Variants in SAMD8 observed in about 807,000 individuals in gnomAD.
SAMD8 encodes sterile alpha motif domain containing 8.
In SAMD8, 20 loss-of-function variants were observed where a neutral mutation model predicts 42.0. That is an observed-to-expected ratio of 0.48 (90% CI 0.34 to 0.69). The LOEUF is 0.69. Ranked by LOEUF, SAMD8 falls within the 30% of genes least tolerant of loss-of-function variation. SAMD8 has a pLI of 0.01. For missense variants in SAMD8, 328 were observed against 511.6 expected, an observed-to-expected ratio of 0.64 and a Z score of 3.46; for synonymous variants, 162 against 173.0, an observed-to-expected ratio of 0.94 and a Z score of 0.50.
intron 1 of SAMD8, among the ~76,000 whole-genome samples, chr10:75,114,737 T>A (rs1848839555): frequency 6.6e-6 from 1 of 152,212 alleles, no homozygotes; most frequent in Admixed American, 6.5e-5. Flanking sequence ...TGGGTGTACC[T>A]AGCATGCCCG....
intron 2 of SAMD8, among the ~76,000 whole-genome samples, chr10:75,158,341 C>T (rs570869809): frequency 6.6e-6 from 1 of 152,110 alleles, no homozygotes; most frequent in Non-Finnish European, 1.5e-5. Context: ...CCCGTAATCC[C>T]AGCACTTTGG....
chr10:75,150,428 C>G, intron 1 of SAMD8, 86 bp from the exon 2 acceptor site: 60 of 1,487,526 alleles, frequency 4.0e-5, no homozygotes, highest in Non-Finnish European at 5.3e-5. Context: ...TGGCCTGTTT[C>G]TGGTGTATTT....
rs959515948 is a variant in SAMD8, at chr10:75,181,620, T to A, written c.*4928T>A. 2 of 152,194 alleles carry A rather than the reference T, an allele frequency of 1.3e-5. No homozygotes were observed. Among genetic ancestry groups the A allele is most frequent in the African/African-American group, 4.8e-5 (2 of 41,438 alleles). 9.4% of individuals were successfully genotyped at this position (152,194 alleles called of 1,614,324 possible). A position where few individuals can be genotyped will look rare whatever the true frequency, so the allele number is the denominator to read the frequency against. ...ATTCCATGTTTCAGCATAAGGAAAGTTTGTGCCTGATATGGCAGGAGAAAG... is the reference window on the plus strand; with the variant it reads ...ATTCCATGTTTCAGCATAAGGAAAGATTGTGCCTGATATGGCAGGAGAAAG... On this transcript the variant is annotated 3_prime_UTR_variant, in exon 6 of 6. Transcript: ENST00000542569.
chr10:75,161,768 C>CCTTTGGGAGCG (rs905268466), intron 2 of SAMD8, among the ~76,000 whole-genome samples: 3 of 151,420 alleles, frequency 2.0e-5, no homozygotes, highest in African/African-American at 4.8e-5. Flanking sequence ...CACCTGTAAT[C>CCTTTGGGAGCG]CTTTGGGAGC....
chr10:75,154,941 G>A (rs2657288), intron 2 of SAMD8, among the ~76,000 whole-genome samples: 37,878 of 151,872 alleles, frequency 0.25, 5,235 homozygotes, highest in East Asian at 0.59. Context: ...TCTCCAGGCT[G>A]GAGTTTAGTG....
chr10:75,171,403 A>G (rs901356832), intron 4 of SAMD8, among the ~76,000 whole-genome samples: 10 of 147,500 alleles, frequency 6.8e-5, no homozygotes, highest in South Asian at 2.2e-4. Flanking sequence ...TCCTGACCTC[A>G]TGATCCGCCC....
upstream of SAMD8, chr10:75,108,014 G>A: frequency 6.2e-7 from 1 of 1,613,208 alleles, no homozygotes; most frequent in Non-Finnish European, 8.5e-7. Flanking sequence ...TGAGGGCACG[G>A]TGGATGAAGT....
intron 1 of SAMD8, 88 bp downstream of exon 1, chr10:75,111,810 C>A: frequency 8.1e-7 from 1 of 1,227,700 alleles, no homozygotes; most frequent in Non-Finnish European, 1.0e-6. Flanking sequence ...GAGCCGGGGG[C>A]TGCCGAGGGA....
chr10:75,138,712 AT>A (rs1839949730), intron 1 of SAMD8, among the ~76,000 whole-genome samples: 1 of 152,162 alleles, frequency 6.6e-6, no homozygotes, highest in African/African-American at 2.4e-5. Flanking sequence ...AAAGAAACAA[AT>A]TTACTAGTAA....
intron 1 of SAMD8, among the ~76,000 whole-genome samples, chr10:75,131,441 C>T (rs1038137381): frequency 9.2e-5 from 14 of 152,176 alleles, no homozygotes; most frequent in African/African-American, 2.4e-4. Flanking sequence ...AGAAAAATCA[C>T]GCTCTAGTGT....
intron 1 of SAMD8, chr10:75,104,207 A>T: frequency 1.5e-6 from 1 of 687,414 alleles, no homozygotes; most frequent in Non-Finnish European, 2.2e-6. Flanking sequence ...TTCTGCCTTG[A>T]GCCCTGTGCA....
chr10:75,154,832 C>T (rs549572002), intron 2 of SAMD8, among the ~76,000 whole-genome samples: 16 of 152,180 alleles, frequency 1.1e-4, no homozygotes, highest in African/African-American at 3.9e-4. Flanking sequence ...ACAGAATTTG[C>T]TGATGAATTT....
In SAMD8 at chr10:75,176,802, A is replaced by G. The variant is rs1468303701; in HGVS notation, c.*110A>G. 2 of 788,254 alleles carry G rather than the reference A, an allele frequency of 2.5e-6. No individual in the cohort carries two copies. The highest frequency in any genetic ancestry group is 3.9e-6 in the Non-Finnish European group (2 of 508,152). The allele number at this position is 788,254 out of a possible 1,614,324, so 48.8% of individuals were successfully genotyped here. A position where few individuals can be genotyped will look rare whatever the true frequency, so the allele number is the denominator to read the frequency against. ...TTAGATGCCTGGCTTATGTGTTGAC[A>G]AAGTAAAGTTTTCTGTTCTGAGCAA... On this transcript the variant is annotated 3_prime_UTR_variant, in exon 6 of 6. Transcript: ENST00000542569. This position sits in a 1 kb window ranked among gnomAD's most constrained non-coding sequence, Gnocchi z 4.3.
At chr10:75,146,047 G>A (rs969284305) in intron 1 of SAMD8, among the ~76,000 whole-genome samples, 1 of 152,080 alleles carries the variant, frequency 6.6e-6, no homozygotes, top group African/African-American at 2.4e-5. Context: ...GTTCTTGTCT[G>A]TGTATCTCGT....
upstream of SAMD8, among the ~76,000 whole-genome samples, chr10:75,109,657 G>T (rs1848715987): frequency 6.6e-6 from 1 of 152,142 alleles, no homozygotes; most frequent in African/African-American, 2.4e-5. Context: ...GCCACAAATT[G>T]GGCAGGAGCT....
chr10:75,123,428 A>G (rs72805342), intron 1 of SAMD8, among the ~76,000 whole-genome samples: 11,103 of 152,080 alleles, frequency 0.073, 516 homozygotes, highest in African/African-American at 0.12. Flanking sequence ...AGAGGGGGAG[A>G]GACTTGTTAC....
At chr10:75,111,140 A>G (rs1848756956), upstream of SAMD8, among the ~76,000 whole-genome samples, 1 of 152,192 alleles carries the variant, frequency 6.6e-6, no homozygotes, top group African/African-American at 2.4e-5. Context: ...TGAGATGTTT[A>G]TATGGCGTTT....
chr10:75,109,128 C>T (rs764814832), upstream of SAMD8: 5 of 1,606,554 alleles, frequency 3.1e-6, no homozygotes, highest in African/African-American at 2.7e-5. Flanking sequence ...TGTCCTCTCC[C>T]CCCAGCTCTG....
intron 1 of SAMD8, among the ~76,000 whole-genome samples, chr10:75,142,160 C>T (rs1302491258): frequency 6.6e-6 from 1 of 151,504 alleles, no homozygotes; most frequent in Non-Finnish European, 1.5e-5. Context: ...GTTAGCCAGG[C>T]TGGTCTTAAA....
Sources: allele counts gnomAD v4.1 joint callset (sites outside exome capture counted in the v4.1 genomes callset), GRCh38; gene constraint gnomAD v4.1.1; non-coding constraint Gnocchi (gnomAD v3.1); transcripts MANE v1.5; gene names NCBI Gene and HGNC (gene_info 2026-07-23, HGNC 2026-07-21).